SLC6A4: variants seen among roughly 807,000 people sequenced by gnomAD.
The protein encoded by SLC6A4 is sodium-dependent serotonin transporter.
SLC6A4 carries 22 observed loss-of-function variants against 73.4 expected under a neutral mutation model. That is an observed-to-expected ratio of 0.30 (90% CI 0.21 to 0.43). SLC6A4 has a LOEUF of 0.43. Among genes scored for constraint, SLC6A4 ranks in the 20% least tolerant of loss-of-function variants. The pLI is 1.00. For synonymous variants in SLC6A4, 270 were observed against 315.5 expected (o/e 0.86, Z 1.53); for missense variants, 593 against 808.5 (o/e 0.73, Z 3.23).
chr17:30,227,123 C>A (rs1267847743), intron 1 of SLC6A4, among the ~76,000 whole-genome samples: 1 of 152,214 alleles, frequency 6.6e-6, no homozygotes, highest in Non-Finnish European at 1.5e-5. Flanking sequence ...TCCTTTGCTG[C>A]TATTGCACAG....
rs373681749 is a variant in SLC6A4 at position 30,211,957 on chromosome 17, C to T, written c.1205-533G>A. The stretch of plus-strand genomic sequence containing the variant: ...GCCTCTCATGGGTTAGCTAGGGGTG[C>T]CCTCGTTTGGGGTATGGGGTTGGTC... On this transcript the variant is annotated intron_variant, in intron 9 of 14. Coordinates refer to ENST00000650711, the MANE Select transcript of SLC6A4 (RefSeq NM_001045.6). The surrounding 1 kb of genome is among the most constrained non-coding windows in gnomAD (Gnocchi z 4.0). Among the ~76,000 whole-genome samples, 101 of 152,158 alleles carry T rather than the reference C, an allele frequency of 6.6e-4. 2 individuals carry two copies. The South Asian group carries it at 0.02, about 30-fold the overall frequency.
rs770728789 is a variant in SLC6A4 at position 30,221,796 on chromosome 17, C to T, written c.163G>A (p.Ala55Thr). 1.2e-5 allele frequency: 20 copies of T among 1,614,114 alleles called. No individual in the cohort carries two copies. The African/African-American group carries it at 1.3e-4, about 11-fold the overall frequency. The change falls in exon 3 of 15, where the codon GCG becomes ACG. Residue 55 changes from alanine (A) to threonine (T), a missense_variant. Physicochemically the swap from Ala to Thr is moderately conservative, Grantham distance 58 (BLOSUM62 0). Transcript: ENST00000650711. ...NGYSAVPSPGAGDDTRHSIPA... is the reference protein window; with the variant it reads ...NGYSAVPSPGTGDDTRHSIPA... Reference sequence around the variant, plus strand: ...ATAGAGTGCCGTGTGTCATCTCCCGCACCAGGACTTGGAACTGCTGAGTAC... The same window carrying T: ...ATAGAGTGCCGTGTGTCATCTCCCGTACCAGGACTTGGAACTGCTGAGTAC...
intron 8 of SLC6A4, among the ~76,000 whole-genome samples, chr17:30,215,023 T>TC (rs1189919841): frequency 9.2e-3 from 270 of 29,400 alleles, no homozygotes; most frequent in East Asian, 0.026. Flanking sequence ...TTTCTTTCTT[T>TC]TTTCTTTCTT....
chr17:30,210,781 G>A, intron 10 of SLC6A4, 135 bp from the exon 11 acceptor site: 1 of 903,162 alleles, frequency 1.1e-6, no homozygotes. Context: ...CCGGCTCGCT[G>A]GACCATGTAA....
chr17:30,206,964 C>T (rs1906226048), intron 13 of SLC6A4, among the ~76,000 whole-genome samples: 1 of 151,986 alleles, frequency 6.6e-6, no homozygotes, highest in Non-Finnish European at 1.5e-5. Flanking sequence ...CCTCAGCCTC[C>T]CAAAGTGCTG....
chr17:30,212,051 G>A (rs537060656), intron 9 of SLC6A4, among the ~76,000 whole-genome samples: 1 of 152,024 alleles, frequency 6.6e-6, no homozygotes, highest in South Asian at 2.1e-4. Flanking sequence ...CTGGGACCTC[G>A]CCCACTAGAT....
At chr17:30,215,014 T>TCTTTC (rs59635291) in intron 8 of SLC6A4, among the ~76,000 whole-genome samples, 328 of 19,118 alleles carry the variant, frequency 0.017, no homozygotes, top group East Asian at 0.063. Context: ...CTTTCTTTCT[T>TCTTTC]TCTTTCTTTT....
intron 1 of SLC6A4, among the ~76,000 whole-genome samples, chr17:30,232,084 A>G (rs932037966): frequency 6.6e-6 from 1 of 152,222 alleles, no homozygotes; most frequent in African/African-American, 2.4e-5. Flanking sequence ...CCCTTAGAGA[A>G]GACAAATCAG....
chr17:30,198,523 A>C lies in SLC6A4; in HGVS notation c.1826T>G (p.Ile609Ser). ...ITPGTFKERI[I>S]KSITPETPTE... The stretch of plus-strand genomic sequence containing the variant: ...TGGTGTTTCTGGGGTAATACTTTTA[A>C]TAATACGCTATTGGGAAGAAAATAC... Residue 609 changes from isoleucine (I) to serine (S), a missense_variant, in exon 15 of 15, where the codon ATT (isoleucine) becomes AGT (serine). Physicochemically the swap from Ile to Ser is moderately radical, Grantham distance 142. Transcript: ENST00000650711. 1 of 1,575,032 alleles carries C rather than the reference A, an allele frequency of 6.3e-7. No individual in the cohort carries two copies. The highest frequency in any genetic ancestry group is 1.3e-5 in the African/African-American group (1 of 74,144).
intron 1 of SLC6A4, among the ~76,000 whole-genome samples, chr17:30,228,980 A>G (rs1176974493): frequency 6.6e-6 from 1 of 152,170 alleles, no homozygotes; most frequent in Non-Finnish European, 1.5e-5. Context: ...GAGGGTGCCA[A>G]CAGATCTGAG....
In SLC6A4 at chr17:30,198,546, T is replaced by G; in HGVS notation, c.1819-16A>C. 1.4e-6 allele frequency: 2 copies of G among 1,404,094 alleles called. No individual in the cohort carries two copies. Among genetic ancestry groups the G allele is most frequent in the Non-Finnish European group, 2.0e-6 (2 of 994,722 alleles). The allele number at this position is 1,404,094 out of a possible 1,614,324, so 87.0% of individuals were successfully genotyped here. On this transcript the variant is annotated splice_polypyrimidine_tract_variant and intron_variant, in intron 14 of 14. Coordinates refer to ENST00000650711, the MANE Select transcript of SLC6A4 (RefSeq NM_001045.6). ...TAATAATACGCTATTGGGAAGAAAA[T>G]ACAATGTTATAAACATCCTTGTAAT... is the stretch of plus-strand genomic sequence containing the variant.
In SLC6A4 at chr17:30,226,872, C is replaced by CAAAAA. The variant is rs9303630; in HGVS notation, c.-220-3962_-220-3958dup. ...TGGGCGATAGAGTGAGACTCTGTCT[C>CAAAAA]AAAAAAAAAAGAAAAAGAAAGAAAA... On this transcript the variant is annotated intron_variant, in intron 1 of 14. Coordinates refer to ENST00000650711, the MANE Select transcript of SLC6A4 (RefSeq NM_001045.6). Among the ~76,000 whole-genome samples the CAAAAA allele has an allele frequency of 3.6e-3, 404 of 112,300 alleles. 17 individuals carry two copies. The highest frequency in any genetic ancestry group is 0.011 in the African/African-American group (262 of 24,488). The allele number at this position is 112,300 out of a possible 152,430, so 73.7% of individuals were successfully genotyped here.
chr17:30,218,713 A>C, intron 4 of SLC6A4, 84 bp downstream of exon 4: 1 of 1,465,606 alleles, frequency 6.8e-7, no homozygotes, highest in Non-Finnish European at 9.5e-7. Context: ...CTGATTCCAG[A>C]AGAAGGTCCC....
intron 8 of SLC6A4, among the ~76,000 whole-genome samples, chr17:30,214,283 G>A (rs1024614244): frequency 5.3e-5 from 8 of 151,646 alleles, no homozygotes; most frequent in East Asian, 4.0e-4. Flanking sequence ...TTAGCCAGTC[G>A]TGGTGGCGCA....
rs149976762 is a variant in SLC6A4 at position 30,199,454 on chromosome 17, T to A, written c.1819-924A>T. On this transcript the variant is annotated intron_variant, in intron 14 of 14. Transcript: ENST00000650711. ...CTGAAAGCATCCTTTGATTTACTGA[T>A]CTTTAGGTGAAGTTCTGCCCCTGTC... Among the ~76,000 whole-genome samples, 7 of 152,332 alleles carry A rather than the reference T, an allele frequency of 4.6e-5. No individual in the cohort carries two copies. In the East Asian group the frequency reaches 1.3e-3, roughly 29 times the overall value.
intron 13 of SLC6A4, 123 bp from the exon 14 acceptor site, chr17:30,203,462 G>A: frequency 3.7e-6 from 3 of 818,312 alleles, no homozygotes; most frequent in Admixed American, 2.5e-5. Flanking sequence ...CCCAAGATGT[G>A]ATATATCCTG....
rs140102546 is a variant in SLC6A4, at chr17:30,198,137, C to T, written c.*319G>A. 3.5e-6 allele frequency: 1 copy of T among 288,146 alleles called. No homozygotes were observed. The highest frequency in any genetic ancestry group is 6.1e-5 in the East Asian group (1 of 16,464). 17.8% of individuals were successfully genotyped at this position (288,146 alleles called of 1,614,324 possible). A position where few individuals can be genotyped will look rare whatever the true frequency, so the allele number is the denominator to read the frequency against. On this transcript the variant is annotated 3_prime_UTR_variant, in exon 15 of 15. Transcript: ENST00000650711. ...TCATACCAAGAAATGATACAGGAGACTTTCACAGACTTGATTCTAAACCTA... is the reference window on the plus strand; with the variant it reads ...TCATACCAAGAAATGATACAGGAGATTTTCACAGACTTGATTCTAAACCTA...
At chr17:30,198,662 C>A in intron 14 of SLC6A4, 132 bp from the exon 15 acceptor site, 1 of 549,544 alleles carries the variant, frequency 1.8e-6, no homozygotes, top group Middle Eastern at 4.8e-4. Context: ...GGAATAGTCT[C>A]ACTGACATTC....
rs2143012620 is a variant in SLC6A4 at position 30,194,784 on chromosome 17, G to A, written c.*3672C>T. On this transcript the variant is annotated 3_prime_UTR_variant, in exon 15 of 15. Coordinates refer to ENST00000650711, the MANE Select transcript of SLC6A4 (RefSeq NM_001045.6). ...GACTGTCAGTGTTTAAAAATTGCTA[G>A]ACACAATTCTTATCTACTATAATTG... 6.6e-6 allele frequency: 1 copy of A among 152,224 alleles called. No individual in the cohort carries two copies. Among genetic ancestry groups the A allele is most frequent in the South Asian group, 2.1e-4 (1 of 4,814 alleles). The allele number at this position is 152,224 out of a possible 1,614,324, so 9.4% of individuals were successfully genotyped here.
Sources: allele counts gnomAD v4.1 joint callset (sites outside exome capture counted in the v4.1 genomes callset), GRCh38; gene constraint gnomAD v4.1.1; non-coding constraint Gnocchi (gnomAD v3.1); transcripts MANE v1.5; gene names NCBI Gene and HGNC (gene_info 2026-07-23, HGNC 2026-07-21).